Variants in NAGS observed in about 807,000 individuals in gnomAD.
NAGS encodes the protein N-acetylglutamate synthase, also known as N-acetylglutamate synthase, mitochondrial.
In NAGS, 34 loss-of-function variants were observed where a neutral mutation model predicts 46.9. The observed-to-expected ratio is 0.72, with a 90% confidence interval of 0.55 to 0.97. The LOEUF is 0.97. Among genes scored for constraint, NAGS ranks in the 50% least tolerant of loss-of-function variants. The probability of loss-of-function intolerance (pLI) is 0.00; values close to 1 mark genes in which losing one functional copy is unlikely to be tolerated. For synonymous variants in NAGS, 334 were observed against 346.3 expected (o/e 0.96, Z 0.39); for missense variants, 665 against 747.0 (o/e 0.89, Z 1.28).
At position 44,006,826 on chromosome 17, in the gene NAGS, G is replaced by A. The variant is rs1302285985; in HGVS notation, c.1096+117G>A. 3.5e-6 allele frequency: 4 copies of A among 1,144,730 alleles called. No homozygotes were observed. Among genetic ancestry groups the A allele is most frequent in the Non-Finnish European group, 4.8e-6 (4 of 826,956 alleles). 70.9% of individuals were successfully genotyped at this position (1,144,730 alleles called of 1,614,324 possible). A position where few individuals can be genotyped will look rare whatever the true frequency, so the allele number is the denominator to read the frequency against. On this transcript the variant is annotated intron_variant, in intron 4 of 6. Coordinates refer to ENST00000293404, the MANE Select transcript of NAGS (RefSeq NM_153006.3). This position sits in a 1 kb window ranked among gnomAD's most constrained non-coding sequence, Gnocchi z 4.8. The stretch of plus-strand genomic sequence containing the variant: ...CTGTCCAGGAGCCGTAGGGGGAGGC[G>A]GGGGGTGTCACAGCAATGGCTCCTG...
intron 6 of NAGS, among the ~76,000 whole-genome samples, chr17:44,008,098 C>G (rs779246503): frequency 6.6e-6 from 1 of 152,178 alleles, no homozygotes; most frequent in Non-Finnish European, 1.5e-5. Flanking sequence ...AGTAACTACC[C>G]CCTCACCCCT....
Position 44,007,588 on chromosome 17 carries a change from C to CA in NAGS, c.1269-2dup. On this transcript the variant is annotated splice_polypyrimidine_tract_variant and splice_region_variant and intron_variant, in intron 5 of 6. Coordinates refer to ENST00000293404, the MANE Select transcript of NAGS (RefSeq NM_153006.3). This position sits in a 1 kb window ranked among gnomAD's most constrained non-coding sequence, Gnocchi z 5.1. ...CCAGCCTGCCGCTCTCCCGCTGCGC[C>CA]AGGTACAACGCCGCCGCCATTCTGA... 6.2e-7 allele frequency: 1 copy of CA among 1,610,404 alleles called. No individual in the cohort carries two copies. Among genetic ancestry groups the CA allele is most frequent in the Non-Finnish European group, 8.5e-7 (1 of 1,178,580 alleles).
In NAGS at chr17:44,004,974, G is replaced by A; in HGVS notation, c.311G>A (p.Arg104Gln). The stretch of plus-strand genomic sequence containing the variant: ...CCTTCGGGCCGCTCGCTGGTGCAGC[G>A]GGACATCCAGGCCTTCCTGAACCAG... The part of the protein sequence containing the change: ...EPPSGRSLVQ[R>Q]DIQAFLNQCG... The change falls in exon 1 of 7, where the codon CGG becomes CAG. Residue 104 changes from arginine to glutamine, a missense_variant. Physicochemically the swap from Arg to Gln is conservative, Grantham distance 43. Transcript: ENST00000293404. 2 of 1,541,664 alleles carry A rather than the reference G, an allele frequency of 1.3e-6. No homozygotes were observed. Among genetic ancestry groups the A allele is most frequent in the South Asian group, 1.2e-5 (1 of 84,342 alleles).
Position 44,006,821 on chromosome 17 carries a change from G to T in NAGS, c.1096+112G>T. ...TCCTCCTGTCCAGGAGCCGTAGGGG[G>T]AGGCGGGGGGTGTCACAGCAATGGC... On this transcript the variant is annotated intron_variant, in intron 4 of 6. Coordinates refer to ENST00000293404, the MANE Select transcript of NAGS (RefSeq NM_153006.3). This position sits in a 1 kb window ranked among gnomAD's most constrained non-coding sequence, Gnocchi z 4.8. 1 of 1,193,438 alleles carries T rather than the reference G, an allele frequency of 8.4e-7. No homozygotes were observed. Among genetic ancestry groups the T allele is most frequent in the Non-Finnish European group, 1.2e-6 (1 of 869,240 alleles). 73.9% of individuals were successfully genotyped at this position (1,193,438 alleles called of 1,614,324 possible).
chr17:44,006,815 T>C lies in NAGS; in HGVS notation c.1096+106T>C, dbSNP rs1048129157. 46 of 1,249,922 alleles carry C rather than the reference T, an allele frequency of 3.7e-5. No homozygotes were observed. The highest frequency in any genetic ancestry group is 4.9e-5 in the Non-Finnish European group (45 of 920,258). The allele number at this position is 1,249,922 out of a possible 1,614,324, so 77.4% of individuals were successfully genotyped here. A position where few individuals can be genotyped will look rare whatever the true frequency, so the allele number is the denominator to read the frequency against. On this transcript the variant is annotated intron_variant, in intron 4 of 6. Coordinates refer to ENST00000293404, the MANE Select transcript of NAGS (RefSeq NM_153006.3). The surrounding 1 kb of genome is among the most constrained non-coding windows in gnomAD (Gnocchi z 4.8). ...GGCTTCTCCTCCTGTCCAGGAGCCG[T>C]AGGGGGAGGCGGGGGGTGTCACAGC...
Position 44,006,041 on chromosome 17 carries a change from C to A in NAGS, c.719C>A (p.Ser240Ter), listed in dbSNP as rs781031762. 2 of 1,604,794 alleles carry A rather than the reference C, an allele frequency of 1.2e-6. No individual in the cohort carries two copies. Among genetic ancestry groups the A allele is most frequent in the African/African-American group, 1.3e-5 (1 of 74,738 alleles). The change falls in exon 3 of 7, where the codon TCG becomes TAG. Residue 240 changes from serine to a stop codon, truncating the protein, a stop_gained. Coordinates refer to ENST00000293404, the MANE Select transcript of NAGS (RefSeq NM_153006.3). LOFTEE classifies it high-confidence loss of function. The surrounding 1 kb of genome is among the most constrained non-coding windows in gnomAD (Gnocchi z 4.8). ...GCCCACAGCTACGGCGGCATCGTCT[C>A]GGTGGAGACAGACCTGCTGCAGTGG... ...APHASYGGIV[S>*]VETDLLQWCL... is the part of the protein sequence containing the mutation.
chr17:44,006,619 A>T lies in NAGS; in HGVS notation c.1006A>T (p.Ile336Phe). The change falls in exon 4 of 7, where the codon ATC (isoleucine) becomes TTC (phenylalanine). Residue 336 changes from isoleucine (I) to phenylalanine (F), a missense_variant. Transcript: ENST00000293404. The surrounding 1 kb of genome is among the most constrained non-coding windows in gnomAD (Gnocchi z 4.8). ...STKERQQMRLIVDVLSRLPHH... is the reference protein window; with the variant it reads ...STKERQQMRLFVDVLSRLPHH... ...AAAAGAACGGCAGCAGATGCGGCTC[A>T]TCGTGGACGTGCTCAGCCGCCTGCC... 8.1e-6 allele frequency: 13 copies of T among 1,607,792 alleles called. No homozygotes were observed. The highest frequency in any genetic ancestry group is 1.1e-5 in the Non-Finnish European group (13 of 1,177,794).
chr17:44,008,176 G>A (rs1381862953), intron 6 of NAGS, among the ~76,000 whole-genome samples: 1 of 152,212 alleles, frequency 6.6e-6, no homozygotes, highest in Non-Finnish European at 1.5e-5. Context: ...CCAAGGCAGT[G>A]TGGAGAGCAA....
Position 44,007,562 on chromosome 17 carries a change from C to A in NAGS, c.1269-29C>A. 6.2e-7 allele frequency: 1 copy of A among 1,611,100 alleles called. No homozygotes were observed. The highest frequency in any genetic ancestry group is 8.5e-7 in the Non-Finnish European group (1 of 1,179,108). On this transcript the variant is annotated intron_variant, in intron 5 of 6. Transcript: ENST00000293404. This position sits in a 1 kb window ranked among gnomAD's most constrained non-coding sequence, Gnocchi z 5.1. ...GGGCAGCTTCGGACCAAGGAGAGGT[C>A]CCAGCCTGCCGCTCTCCCGCTGCGC...
rs748567515 is a variant in NAGS, at chr17:44,004,864, C to A, written c.201C>A (p.Asp67Glu). The change falls in exon 1 of 7, where the codon GAC (aspartate) becomes GAA (glutamate). Residue 67 changes from aspartate to glutamate, a missense_variant. By Grantham distance (45) the Asp-to-Glu change is conservative. Transcript: ENST00000293404. The stretch of plus-strand genomic sequence containing the variant: ...CGCCCGAGGAGTACGCGGGCGCGGA[C>A]GACGTCTCCCAGTCGCCCGTCGCCG... ...QPPPEEYAGADDVSQSPVAEE... is the reference protein window; with the variant it reads ...QPPPEEYAGAEDVSQSPVAEE... The A allele has an allele frequency of 1.3e-5, 20 of 1,529,690 alleles. No individual in the cohort carries two copies. The Admixed American group carries it at 3.9e-4, about 30-fold the overall frequency. 94.8% of individuals were successfully genotyped at this position (1,529,690 alleles called of 1,614,324 possible).
Position 44,007,457 on chromosome 17 carries a change from C to A in NAGS, c.1231C>A (p.Leu411Met), listed in dbSNP as rs199923863. The A allele has an allele frequency of 4.2e-5, 67 of 1,613,748 alleles. 1 individual carries two copies. Among genetic ancestry groups the A allele is most frequent in the Non-Finnish European group, 7.6e-6 (9 of 1,180,018 alleles). ...KKLRDDYLAS[L>M]RPRLHSIYVS... ...GCTCAGGGACGACTACCTGGCCTCG[C>A]TGCGCCCGCGGCTGCACTCCATCTA... Residue 411 changes from leucine to methionine, a missense_variant, in exon 5 of 7, where the codon CTG (leucine) becomes ATG (methionine). Coordinates refer to ENST00000293404, the MANE Select transcript of NAGS (RefSeq NM_153006.3). The surrounding 1 kb of genome is among the most constrained non-coding windows in gnomAD (Gnocchi z 5.1).
chr17:44,007,742 C>T lies in NAGS; in HGVS notation c.1420C>T (p.Arg474Cys), dbSNP rs1442279072. 6.3e-7 allele frequency: 1 copy of T among 1,590,616 alleles called. No individual in the cohort carries two copies. Among genetic ancestry groups the T allele is most frequent in the Non-Finnish European group, 8.6e-7 (1 of 1,167,354 alleles). ...LRRDLQTLFW[R>C]SRVTNPINPW... is the part of the protein sequence containing the mutation. The stretch of plus-strand genomic sequence containing the variant: ...GCGGGACCTTCAGACACTTTTCTGG[C>T]GCTCCCGGGTCACCAACCCCATCAA... The change falls in exon 6 of 7, where the codon CGC becomes TGC. Residue 474 changes from arginine (R) to cysteine (C), a missense_variant. Physicochemically the swap from Arg to Cys is radical, Grantham distance 180. Transcript: ENST00000293404. The surrounding 1 kb of genome is among the most constrained non-coding windows in gnomAD (Gnocchi z 5.1).
rs1377479855 is a variant in NAGS at position 44,007,689 on chromosome 17, C to T, written c.1367C>T (p.Ser456Phe). Residue 456 changes from serine to phenylalanine, a missense_variant, in exon 6 of 7, where the codon TCC (serine) becomes TTC (phenylalanine). Physicochemically the swap from Ser to Phe is radical, Grantham distance 155. Coordinates refer to ENST00000293404, the MANE Select transcript of NAGS (RefSeq NM_153006.3). The surrounding 1 kb of genome is among the most constrained non-coding windows in gnomAD (Gnocchi z 5.1). ...AGCTCCAGCCGCCAGGGCCAAGGCTCCGGCCAGATGCTGTGGGAGTGCCTG... is the reference window on the plus strand; with the variant it reads ...AGCTCCAGCCGCCAGGGCCAAGGCTTCGGCCAGATGCTGTGGGAGTGCCTG... ...VVSSSRQGQGSGQMLWECLRR... is the reference protein window; with the variant it reads ...VVSSSRQGQGFGQMLWECLRR... 2.5e-6 allele frequency: 4 copies of T among 1,604,882 alleles called. No individual in the cohort carries two copies. The highest frequency in any genetic ancestry group is 1.3e-5 in the African/African-American group (1 of 74,694).
rs1056074776 is a variant in NAGS at position 44,005,991 on chromosome 17, G to T, written c.702-33G>T. ...CCTGCCCCGTCCGGCAGGCCTGGAG[G>T]GGGCCCTCTCGAGCACCACGTCTGG... On this transcript the variant is annotated intron_variant, in intron 2 of 6. Coordinates refer to ENST00000293404, the MANE Select transcript of NAGS (RefSeq NM_153006.3). The surrounding 1 kb of genome is among the most constrained non-coding windows in gnomAD (Gnocchi z 7.2). The T allele has an allele frequency of 6.4e-7, 1 of 1,571,874 alleles. No individual in the cohort carries two copies. The highest frequency in any genetic ancestry group is 8.6e-7 in the Non-Finnish European group (1 of 1,162,012).
At position 44,005,345 on chromosome 17, in the gene NAGS, C is replaced by T. The variant is rs562609769; in HGVS notation, c.426+256C>T. 6.6e-6 allele frequency among the ~76,000 whole-genome samples: 1 copy of T among 152,206 alleles called. No homozygotes were observed. Among genetic ancestry groups the T allele is most frequent in the South Asian group, 2.1e-4 (1 of 4,836 alleles). On this transcript the variant is annotated intron_variant, in intron 1 of 6. Transcript: ENST00000293404. This position sits in a 1 kb window ranked among gnomAD's most constrained non-coding sequence, Gnocchi z 7.2. ...CTCTGAAGAAGGCCCCCAACATGGGCGCAGTTAGGGGTTCAGAAGGACCTG... is the reference window on the plus strand; with the variant it reads ...CTCTGAAGAAGGCCCCCAACATGGGTGCAGTTAGGGGTTCAGAAGGACCTG...
Position 44,007,500 on chromosome 17 carries a change from C to G in NAGS, c.1268+6C>G. 1 of 1,613,600 alleles carries G rather than the reference C, an allele frequency of 6.2e-7. No homozygotes were observed. The highest frequency in any genetic ancestry group is 1.1e-5 in the South Asian group (1 of 91,056). ...TCCATCTACGTCTCCGAGGGGTAAG[C>G]CTGCGGACCCCAGAGGGCGGGGTCT... On this transcript the variant is annotated splice_donor_region_variant and intron_variant, in intron 5 of 6. Transcript: ENST00000293404. The surrounding 1 kb of genome is among the most constrained non-coding windows in gnomAD (Gnocchi z 5.1).
In NAGS at chr17:44,008,325, A is replaced by T. The variant is rs2049121357; in HGVS notation, c.1452-123A>T. 4 of 1,161,684 alleles carry T rather than the reference A, an allele frequency of 3.4e-6. No individual in the cohort carries two copies. The Admixed American group carries it at 6.7e-5, about 20-fold the overall frequency. The allele number at this position is 1,161,684 out of a possible 1,614,324, so 72.0% of individuals were successfully genotyped here. A position where few individuals can be genotyped will look rare whatever the true frequency, so the allele number is the denominator to read the frequency against. On this transcript the variant is annotated intron_variant, in intron 6 of 6. Transcript: ENST00000293404. ...ATAAAATGAGATAACACACAGCAGG[A>T]CCAAGCTGGGTGCCCAGCATGCAGT...
rs1394937234 is a variant in NAGS at position 44,004,846 on chromosome 17, G to A, written c.183G>A (p.Glu61=). 2 of 1,522,762 alleles carry A rather than the reference G, an allele frequency of 1.3e-6. No homozygotes were observed. Among genetic ancestry groups the A allele is most frequent in the Admixed American group, 4.0e-5 (2 of 50,444 alleles). 94.3% of individuals were successfully genotyped at this position (1,522,762 alleles called of 1,614,324 possible). A position where few individuals can be genotyped will look rare whatever the true frequency, so the allele number is the denominator to read the frequency against. ...TAWSQPQPPP[E]EYAGADDVSQ... ...GGTCGCAGCCCCAGCCCCCGCCCGA[G>A]GAGTACGCGGGCGCGGACGACGTCT... Residue 61 remains glutamate (E), a synonymous_variant, in exon 1 of 7, where the codon GAG becomes GAA. Coordinates refer to ENST00000293404, the MANE Select transcript of NAGS (RefSeq NM_153006.3).
rs1049129783 is a variant in NAGS at position 44,005,178 on chromosome 17, G to A, written c.426+89G>A. 6.8e-7 allele frequency: 1 copy of A among 1,477,560 alleles called. No homozygotes were observed. The highest frequency in any genetic ancestry group is 9.0e-7 in the Non-Finnish European group (1 of 1,113,208). 91.5% of individuals were successfully genotyped at this position (1,477,560 alleles called of 1,614,324 possible). ...TCAGGCATGGCAGGATACGCTGCGG[G>A]CTCTGCGCAGCGGAAGCGGGAAGGA... On this transcript the variant is annotated intron_variant, in intron 1 of 6. Transcript: ENST00000293404. The surrounding 1 kb of genome is among the most constrained non-coding windows in gnomAD (Gnocchi z 7.2).
Sources: allele counts gnomAD v4.1 joint callset (sites outside exome capture counted in the v4.1 genomes callset), GRCh38; gene constraint gnomAD v4.1.1; non-coding constraint Gnocchi (gnomAD v3.1); transcripts MANE v1.5; gene names NCBI Gene and HGNC (gene_info 2026-07-23, HGNC 2026-07-21).